NEMP1: variants seen among roughly 807,000 people sequenced by gnomAD.
The protein encoded by NEMP1 is transmembrane protein 194.
A neutral mutation model predicts 53.7 loss-of-function variants in NEMP1; 29 were observed. That is an observed-to-expected ratio of 0.54 (90% CI 0.40 to 0.74). The LOEUF (loss-of-function observed/expected upper bound fraction) is 0.74. Among genes scored for constraint, NEMP1 ranks in the 30% least tolerant of loss-of-function variants. NEMP1 has a pLI of 0.00. For synonymous variants in NEMP1, 193 were observed against 192.9 expected (o/e 1.00, Z 0.00); for missense variants, 477 against 528.6 (o/e 0.90, Z 0.96).
rs188057628 is a variant in NEMP1 at position 57,066,355 on chromosome 12, T to G, written c.546-1616A>C. Reference sequence around the variant, plus strand: ...ATATCAGCAATAAGGCTGTTTCACTTTCTTATCACTTGTGTGTTCCCTGGA... The same window carrying G: ...ATATCAGCAATAAGGCTGTTTCACTGTCTTATCACTTGTGTGTTCCCTGGA... On this transcript the variant is annotated intron_variant, in intron 4 of 8. Coordinates refer to ENST00000300128, the MANE Select transcript of NEMP1 (RefSeq NM_001130963.2). Among the ~76,000 whole-genome samples the G allele has an allele frequency of 2.3e-3, 348 of 152,342 alleles. 2 individuals carry two copies. Among genetic ancestry groups the G allele is most frequent in the African/African-American group, 7.9e-3 (328 of 41,582 alleles).
chr12:57,077,612 G>T (rs2032696352), intron 1 of NEMP1, among the ~76,000 whole-genome samples: 1 of 152,072 alleles, frequency 6.6e-6, no homozygotes, highest in Admixed American at 6.6e-5. Flanking sequence ...CAGCCTCCAG[G>T]GAAGAGAACT....
intron 1 of NEMP1, among the ~76,000 whole-genome samples, chr12:57,073,531 C>G (rs2136510258): frequency 6.6e-6 from 1 of 152,184 alleles, no homozygotes; most frequent in Middle Eastern, 3.4e-3. Flanking sequence ...GTAATCCCAG[C>G]TACTCGAGAG....
chr12:57,082,024 C>A (rs1055789981), upstream of NEMP1, among the ~76,000 whole-genome samples: 1 of 152,100 alleles, frequency 6.6e-6, no homozygotes. Flanking sequence ...CAAGACCAGC[C>A]TGGCCACCAT....
At chr12:57,071,420 C>T (rs1433725637) in intron 2 of NEMP1, among the ~76,000 whole-genome samples, 1 of 152,050 alleles carries the variant, frequency 6.6e-6, no homozygotes, top group African/African-American at 2.4e-5. Flanking sequence ...CTCTGTCGCC[C>T]AAGCTGGAGT....
chr12:57,061,349 T>G (rs2031791430), intron 7 of NEMP1, among the ~76,000 whole-genome samples: 1 of 152,176 alleles, frequency 6.6e-6, no homozygotes, highest in African/African-American at 2.4e-5. Context: ...AATGATAAAA[T>G]ACTTACTTAT....
intron 1 of NEMP1, among the ~76,000 whole-genome samples, chr12:57,086,661 G>A (rs1051289676): frequency 2.0e-5 from 3 of 152,192 alleles, no homozygotes; most frequent in Non-Finnish European, 2.9e-5. Flanking sequence ...AGTAGGAGGG[G>A]AGTTGGGGGT....
Position 57,069,241 on chromosome 12 carries a change from G to A in NEMP1, c.538C>T (p.Leu180=). 2 of 1,546,580 alleles carry A rather than the reference G, an allele frequency of 1.3e-6. No homozygotes were observed. Among genetic ancestry groups the A allele is most frequent in the African/African-American group, 2.7e-5 (2 of 72,768 alleles). ...ACTAGCCTTGGAACCTACCTGCTCA[G>A]CAAGTCTCCACAAAAAAATAGCATA... is the stretch of plus-strand genomic sequence containing the variant. ...GLMLFFCGDL[L]SRSQIFYYST... Residue 180 remains leucine, a synonymous_variant, in exon 4 of 9, where the codon CTG becomes TTG. Coordinates refer to ENST00000300128, the MANE Select transcript of NEMP1 (RefSeq NM_001130963.2).
chr12:57,078,340 G>C lies in NEMP1; in HGVS notation c.127+279C>G, dbSNP rs548343934. ...CTTCTGCAACGAGACACAGCCCCCA[G>C]GACTGCTTCTCAACCAGTCTAGGCC... On this transcript the variant is annotated intron_variant, in intron 1 of 8. Transcript: ENST00000300128. Among the ~76,000 whole-genome samples the C allele has an allele frequency of 1.7e-3, 262 of 152,134 alleles. 1 individual carries two copies. Among genetic ancestry groups the C allele is most frequent in the African/African-American group, 6.0e-3 (251 of 41,506 alleles).
chr12:57,084,468 G>C (rs944492591), intron 1 of NEMP1, among the ~76,000 whole-genome samples: 2 of 151,990 alleles, frequency 1.3e-5, no homozygotes, highest in African/African-American at 2.4e-5. Flanking sequence ...AAGTCCTGTC[G>C]ATCTTATTTT....
intron 1 of NEMP1, among the ~76,000 whole-genome samples, chr12:57,077,529 A>C (rs965834058): frequency 3.3e-5 from 5 of 152,154 alleles, no homozygotes; most frequent in African/African-American, 1.2e-4. Flanking sequence ...AAACAAAAAA[A>C]GAATTTTAAA....
At chr12:57,073,576 G>A (rs1477497455) in intron 1 of NEMP1, among the ~76,000 whole-genome samples, 2 of 152,040 alleles carry the variant, frequency 1.3e-5, no homozygotes, top group African/African-American at 4.8e-5. Context: ...CTTGGGAGGC[G>A]GAGGTTGAGG....
chr12:57,064,871 T>C (rs1306651882), intron 4 of NEMP1, 132 bp from the exon 5 acceptor site: 1 of 604,440 alleles, frequency 1.7e-6, no homozygotes, highest in Non-Finnish European at 2.7e-6. Flanking sequence ...ATCAGAGACA[T>C]TTCAAATTTG....
chr12:57,059,154 A>G lies in NEMP1; in HGVS notation c.*725T>C, dbSNP rs2031671378. 1 of 152,218 alleles carries G rather than the reference A, an allele frequency of 6.6e-6. No individual in the cohort carries two copies. The highest frequency in any genetic ancestry group is 2.1e-4 in the South Asian group (1 of 4,828). The allele number at this position is 152,218 out of a possible 1,614,324, so 9.4% of individuals were successfully genotyped here. On this transcript the variant is annotated 3_prime_UTR_variant, in exon 9 of 9. Coordinates refer to ENST00000300128, the MANE Select transcript of NEMP1 (RefSeq NM_001130963.2). ...GTACATCTCACCTGCAGAAGAGCCT[A>G]CAGGCATGTTCCTAAAGGCAAATAG... is the stretch of plus-strand genomic sequence containing the variant.
At position 57,084,171 on chromosome 12, in the gene NEMP1, C is replaced by T. The variant is rs185421265; in HGVS notation, n.113+3780G>A. ...AGAGACGGGGTTTCGCTATGTTGGC[C>T]GGCTTGTCTTGGACTCCTGACCTCA... is the stretch of plus-strand genomic sequence containing the variant. On this transcript the variant is annotated intron_variant and non_coding_transcript_variant, in intron 1 of 2. Transcript: ENST00000553654. 3.5e-3 allele frequency among the ~76,000 whole-genome samples: 526 copies of T among 152,254 alleles called. 4 individuals are homozygous for T. The highest frequency in any genetic ancestry group is 0.011 in the African/African-American group (470 of 41,548).
At position 57,078,731 on chromosome 12, in the gene NEMP1, C is replaced by A; in HGVS notation, c.15G>T (p.Met5Ile). MAGG[M>I]KVAVSPAVGP... ...CAACTGCCGGCGAGACCGCCACTTT[C>A]ATTCCTCCCGCCATGGTTGCCTCAA... The change falls in exon 1 of 9, where the codon ATG (methionine) becomes ATT (isoleucine). Residue 5 changes from methionine (M) to isoleucine (I), a missense_variant. Transcript: ENST00000300128. 6.2e-7 allele frequency: 1 copy of A among 1,612,376 alleles called. No homozygotes were observed. The highest frequency in any genetic ancestry group is 8.5e-7 in the Non-Finnish European group (1 of 1,178,926).
intron 7 of NEMP1, among the ~76,000 whole-genome samples, chr12:57,062,325 C>T (rs185324874): frequency 5.7e-4 from 86 of 152,050 alleles, no homozygotes; most frequent in African/African-American, 1.9e-3. Flanking sequence ...ATTAAAAATA[C>T]AAAAATTAGC....
chr12:57,086,483 A>G (rs957381101), intron 1 of NEMP1, among the ~76,000 whole-genome samples: 1 of 150,986 alleles, frequency 6.6e-6, no homozygotes, highest in Non-Finnish European at 1.5e-5. Flanking sequence ...GCAGGAAACA[A>G]ATGAAAATTT....
chr12:57,063,984 C>T, intron 6 of NEMP1, 87 bp downstream of exon 6: 1 of 748,154 alleles, frequency 1.3e-6, no homozygotes, highest in Non-Finnish European at 2.2e-6. Context: ...CTATTAAATC[C>T]CATAAGCAGG....
upstream of NEMP1, among the ~76,000 whole-genome samples, chr12:57,079,800 A>G (rs927004474): frequency 1.3e-5 from 2 of 152,152 alleles, no homozygotes; most frequent in Admixed American, 1.3e-4. Context: ...AGACAGGGTC[A>G]TTCTCTGACA....
Sources: gnomAD v4.1 joint callset for allele counts (sites outside exome capture counted in the v4.1 genomes callset) on GRCh38, gnomAD v4.1.1 for gene constraint, MANE v1.5 for transcripts, NCBI Gene and HGNC (gene_info 2026-07-23, HGNC 2026-07-21) for gene names.